EYS: variants seen among roughly 807,000 people sequenced by gnomAD.
EYS encodes EGF-like photoreceptor maintenance factor, also known as protein eyes shut homolog.
EYS carries 250 observed loss-of-function variants against 282.1 expected under a neutral mutation model. That is an observed-to-expected ratio of 0.89 (90% confidence interval 0.80 to 0.98). The LOEUF (loss-of-function observed/expected upper bound fraction) is 0.98, where lower values mean the gene tolerates loss of function less well. EYS is among the 50% of genes least tolerant of loss of function. The pLI, the probability that EYS is intolerant of heterozygous loss-of-function variation, is 0.00. For missense variants in EYS, 4,016 were observed against 3,709.0 expected (o/e 1.08, Z -2.15); for synonymous variants, 1,355 against 1,282.9 (o/e 1.06, Z -1.20).
rs1768030659 is a variant in EYS, at chr6:64,637,907, T to TA, written c.3444-11663dup. On this transcript the variant is annotated intron_variant, in intron 22 of 42. Transcript: ENST00000503581. ...CCACACATAAAATAAAAGTTTATGG[T>TA]AAAAAAGAAAAAAGAAATTTTTTTG... Among the ~76,000 whole-genome samples, 2 of 90,932 alleles carry TA rather than the reference T, an allele frequency of 2.2e-5. 1 individual carries two copies. The highest frequency in any genetic ancestry group is 8.4e-5 in the African/African-American group (2 of 23,858). The allele number at this position is 90,932 out of a possible 152,430, so 59.7% of individuals were successfully genotyped here.
intron 14 of EYS, among the ~76,000 whole-genome samples, chr6:64,988,088 G>A (rs1275966408): frequency 6.6e-6 from 1 of 151,044 alleles, no homozygotes. Flanking sequence ...GGTCTTTTAA[G>A]CACAGCAGCT....
chr6:65,313,434 T>G (rs2150300043), intron 11 of EYS, among the ~76,000 whole-genome samples: 1 of 151,912 alleles, frequency 6.6e-6, no homozygotes, highest in Admixed American at 6.6e-5. Flanking sequence ...TGGGTGTCCT[T>G]TAGGCATCTC....
chr6:65,170,243 C>G (rs138374735), intron 12 of EYS, among the ~76,000 whole-genome samples: 24 of 151,256 alleles, frequency 1.6e-4, no homozygotes, highest in South Asian at 4.2e-4. Flanking sequence ...CACACACACA[C>G]ACAGAGAGAG....
At chr6:65,421,030 T>C (rs555393852) in intron 5 of EYS, among the ~76,000 whole-genome samples, 1 of 152,000 alleles carries the variant, frequency 6.6e-6, no homozygotes, top group Non-Finnish European at 1.5e-5. Flanking sequence ...CTAGGATTTT[T>C]GGAATGGAAG....
intron 41 of EYS, among the ~76,000 whole-genome samples, chr6:63,758,395 A>C (rs987790722): frequency 1.3e-5 from 2 of 152,310 alleles, no homozygotes; most frequent in Admixed American, 1.3e-4. Context: ...AATGAAAATG[A>C]TAAAAATATC....
At position 64,000,168 on chromosome 6, in the gene EYS, C is replaced by CTTTTTTTTTTTTTTTTT. The variant is rs71551553; in HGVS notation, c.6726-1002_6726-986dup. On this transcript the variant is annotated intron_variant, in intron 33 of 42. Transcript: ENST00000503581. ...CTGAGGAGTTTCCCAAGACATGGGA[C>CTTTTTTTTTTTTTTTTT]TTTTTTTTTTTTTTTTTTTTTTTTT... is the stretch of plus-strand genomic sequence containing the variant. Among the ~76,000 whole-genome samples, 3 of 42,734 alleles carry CTTTTTTTTTTTTTTTTT rather than the reference C, an allele frequency of 7.0e-5. 1 individual carries two copies. The highest frequency in any genetic ancestry group is 1.3e-4 in the Non-Finnish European group (3 of 22,778). The allele number at this position is 42,734 out of a possible 152,430, so 28.0% of individuals were successfully genotyped here.
chr6:65,403,506 AT>A (rs199907219), intron 6 of EYS, among the ~76,000 whole-genome samples: 5 of 151,986 alleles, frequency 3.3e-5, no homozygotes, highest in East Asian at 1.9e-4. Context: ...AAAATTGATG[AT>A]TTTTTTATTC....
intron 39 of EYS, chr6:63,786,974 T>C (rs1770381212): frequency 6.6e-6 from 1 of 152,052 alleles, no homozygotes; most frequent in Non-Finnish European, 1.5e-5. Context: ...TAAATGCTAG[T>C]TTAGAGTGGA....
At chr6:63,886,293 A>C (rs1773259208) in intron 35 of EYS, among the ~76,000 whole-genome samples, 1 of 152,174 alleles carries the variant, frequency 6.6e-6, no homozygotes, top group South Asian at 2.1e-4. Context: ...AAGTTGATAT[A>C]TTTTAAGTTT....
intron 12 of EYS, among the ~76,000 whole-genome samples, chr6:65,208,773 G>T (rs1345211662): frequency 6.6e-6 from 1 of 150,852 alleles, no homozygotes; most frequent in Non-Finnish European, 1.5e-5. Flanking sequence ...GGAAATAATA[G>T]ACACCAGTGA....
chr6:64,807,480 G>T (rs1007888877), intron 22 of EYS, among the ~76,000 whole-genome samples: 2 of 151,858 alleles, frequency 1.3e-5, no homozygotes, highest in African/African-American at 4.8e-5. Flanking sequence ...GAAATCATCA[G>T]GTATTATATT....
At chr6:64,672,277 T>G (rs1254926968) in intron 22 of EYS, among the ~76,000 whole-genome samples, 1 of 152,218 alleles carries the variant, frequency 6.6e-6, no homozygotes, top group Non-Finnish European at 1.5e-5. Context: ...ACAGCAGTGT[T>G]GCAAGACTCA....
chr6:64,595,592 G>A (rs1220559162), intron 24 of EYS, among the ~76,000 whole-genome samples: 2 of 152,100 alleles, frequency 1.3e-5, no homozygotes, highest in Non-Finnish European at 2.9e-5. Context: ...CAGTGAAATT[G>A]TAGAATAAAA....
chr6:65,423,137 A>G (rs1300947538), intron 5 of EYS, among the ~76,000 whole-genome samples: 1 of 151,946 alleles, frequency 6.6e-6, no homozygotes, highest in South Asian at 2.1e-4. Context: ...TAAATGAGGG[A>G]AAACAAAACT....
At chr6:64,723,029 G>A (rs1373989244) in intron 22 of EYS, among the ~76,000 whole-genome samples, 1 of 151,460 alleles carries the variant, frequency 6.6e-6, no homozygotes, top group African/African-American at 2.4e-5. Flanking sequence ...AACCTGGAAA[G>A]GGTAAAACAT....
intron 41 of EYS, among the ~76,000 whole-genome samples, chr6:63,728,357 G>A (rs1285473032): frequency 1.3e-5 from 2 of 152,126 alleles, no homozygotes; most frequent in Non-Finnish European, 2.9e-5. Flanking sequence ...TTGTGAAACT[G>A]ATATTAGCAT....
intron 11 of EYS, among the ~76,000 whole-genome samples, chr6:65,321,256 T>A (rs10455186): frequency 0.046 from 6,952 of 151,710 alleles, 219 homozygotes; most frequent in South Asian, 0.089. Context: ...GGCCTGGAAG[T>A]GTAAGAGGCT....
At chr6:65,477,261 C>T (rs1210900031) in intron 5 of EYS, among the ~76,000 whole-genome samples, 3 of 152,036 alleles carry the variant, frequency 2.0e-5, no homozygotes, top group East Asian at 3.9e-4. Flanking sequence ...TGGCACTTCC[C>T]CATAAAACAC....
At chr6:64,186,693 C>A (rs1764956328) in intron 31 of EYS, among the ~76,000 whole-genome samples, 1 of 152,112 alleles carries the variant, frequency 6.6e-6, no homozygotes, top group South Asian at 2.1e-4. Context: ...GCTGTCTAGA[C>A]AGAGGTAGAG....
Sources: allele counts gnomAD v4.1 joint callset (sites outside exome capture counted in the v4.1 genomes callset), GRCh38; gene constraint gnomAD v4.1.1; transcripts MANE v1.5; gene names NCBI Gene and HGNC (gene_info 2026-07-23, HGNC 2026-07-21).